Variants in AFG1L observed in about 807,000 individuals in gnomAD.
The protein encoded by AFG1L is AFG1 like ATPase.
AFG1L carries 53 observed loss-of-function variants against 62.2 expected under a neutral mutation model. The observed-to-expected ratio is 0.85, with a 90% confidence interval of 0.68 to 1.07. The LOEUF (loss-of-function observed/expected upper bound fraction) is 1.07, where lower values mean the gene tolerates loss of function less well. Among genes scored for constraint, AFG1L ranks in the 50% least tolerant of loss-of-function variants. AFG1L has a pLI of 0.00. For synonymous variants in AFG1L, 228 were observed against 210.3 expected (o/e 1.08, Z -0.73); for missense variants, 555 against 590.5 (o/e 0.94, Z 0.62).
At chr6:108,333,024 G>T (rs1778334580) in intron 2 of AFG1L, among the ~76,000 whole-genome samples, 1 of 152,202 alleles carries the variant, frequency 6.6e-6, no homozygotes, top group Admixed American at 6.5e-5. Context: ...ATTTGACTAT[G>T]TTAAAATTTA....
intron 7 of AFG1L, among the ~76,000 whole-genome samples, chr6:108,438,268 G>C (rs1156580221): frequency 6.6e-6 from 1 of 152,142 alleles, no homozygotes; most frequent in Non-Finnish European, 1.5e-5. Context: ...CGGTTCTGGT[G>C]GCTAGAAGGA....
intron 8 of AFG1L, among the ~76,000 whole-genome samples, chr6:108,462,418 A>C (rs531113410): frequency 1.5e-3 from 231 of 152,226 alleles, no homozygotes; most frequent in African/African-American, 5.2e-3. Flanking sequence ...AACAAACAAA[A>C]AAAAACACTC....
At chr6:108,462,226 A>C (rs1044200259) in intron 8 of AFG1L, among the ~76,000 whole-genome samples, 6 of 151,806 alleles carry the variant, frequency 4.0e-5, no homozygotes, top group Admixed American at 3.9e-4. Context: ...ACATGTAGAG[A>C]CCTCATGTCT....
intron 1 of AFG1L, among the ~76,000 whole-genome samples, chr6:108,305,737 A>G (rs561749852): frequency 6.6e-6 from 1 of 152,066 alleles, no homozygotes; most frequent in Non-Finnish European, 1.5e-5. Context: ...CAGGCTATGA[A>G]TTACTTCTTT....
intron 10 of AFG1L, among the ~76,000 whole-genome samples, chr6:108,507,001 A>C (rs189794573): frequency 2.6e-4 from 40 of 152,216 alleles, no homozygotes; most frequent in African/African-American, 9.6e-4. Context: ...AATTAGTCCT[A>C]TTCTTATTGG....
chr6:108,503,705 A>G (rs1171268111), intron 10 of AFG1L, among the ~76,000 whole-genome samples: 1 of 152,240 alleles, frequency 6.6e-6, no homozygotes, highest in South Asian at 2.1e-4. Context: ...GAGTCAGTCT[A>G]TCCTTTTGAA....
At chr6:108,428,007 A>G (rs934780822) in intron 7 of AFG1L, among the ~76,000 whole-genome samples, 7 of 152,180 alleles carry the variant, frequency 4.6e-5, no homozygotes, top group Non-Finnish European at 8.8e-5. Flanking sequence ...ACATGAATGA[A>G]TTGTATAGTG....
At chr6:108,476,804 G>A in intron 8 of AFG1L, 61 bp from the exon 9 acceptor site, 1 of 1,206,572 alleles carries the variant, frequency 8.3e-7, no homozygotes, top group Non-Finnish European at 1.2e-6. Context: ...GTCTCAGGCA[G>A]CTGTTTGATG....
At chr6:108,518,098 T>C (rs1314100326) in intron 11 of AFG1L, among the ~76,000 whole-genome samples, 1 of 152,210 alleles carries the variant, frequency 6.6e-6, no homozygotes, top group Non-Finnish European at 1.5e-5. Flanking sequence ...AGTGTGGCAA[T>C]TCCTCAGGGA....
At chr6:108,394,319 GT>G (rs929700574) in intron 6 of AFG1L, among the ~76,000 whole-genome samples, 1 of 150,622 alleles carries the variant, frequency 6.6e-6, no homozygotes, top group East Asian at 2.0e-4. Flanking sequence ...GGCTAATCTT[GT>G]TTTTTTTTAG....
chr6:108,510,434 C>T, intron 11 of AFG1L, 82 bp downstream of exon 11: 1 of 1,070,524 alleles, frequency 9.3e-7, no homozygotes, highest in Non-Finnish European at 1.4e-6. Flanking sequence ...CCTGACTTAA[C>T]ATACTTCTAT....
intron 2 of AFG1L, among the ~76,000 whole-genome samples, chr6:108,326,274 T>G (rs1419030161): frequency 2.0e-5 from 3 of 152,224 alleles, no homozygotes; most frequent in South Asian, 2.1e-4. Context: ...GACCTTACTC[T>G]GTTGCCAGGC....
intron 8 of AFG1L, among the ~76,000 whole-genome samples, chr6:108,456,244 C>G (rs1772247659): frequency 6.6e-6 from 1 of 152,066 alleles, no homozygotes; most frequent in South Asian, 2.1e-4. Flanking sequence ...GTAGCCACTT[C>G]AGCTTTTTTA....
intron 1 of AFG1L, among the ~76,000 whole-genome samples, chr6:108,316,488 AAATT>A (rs1176045955): frequency 1.3e-5 from 2 of 151,482 alleles, no homozygotes; most frequent in South Asian, 2.1e-4. Context: ...TAGAACTCAT[AAATT>A]AATTGACAAA....
chr6:108,325,269 C>T lies in AFG1L; in HGVS notation c.363+1221C>T, dbSNP rs72936753. On this transcript the variant is annotated intron_variant, in intron 2 of 12. Coordinates refer to ENST00000368977, the MANE Select transcript of AFG1L (RefSeq NM_145315.5). Reference sequence around the variant, plus strand: ...TAGGCAAGCATCCAGCTGGGGAGAGCGATGTCCATCTCAATTTATATTCAA... The same window carrying T: ...TAGGCAAGCATCCAGCTGGGGAGAGTGATGTCCATCTCAATTTATATTCAA... Among the ~76,000 whole-genome samples, 1,426 of 152,150 alleles carry T rather than the reference C, an allele frequency of 9.4e-3. 12 individuals carry two copies. Among genetic ancestry groups the T allele is most frequent in the Middle Eastern group, 0.02 (6 of 294 alleles).
At chr6:108,482,143 G>A (rs1411764234) in intron 10 of AFG1L, among the ~76,000 whole-genome samples, 2 of 152,168 alleles carry the variant, frequency 1.3e-5, no homozygotes, top group African/African-American at 4.8e-5. Flanking sequence ...AATTAAATGT[G>A]TCAACATTTG....
chr6:108,430,097 G>A (rs905762642), intron 7 of AFG1L, among the ~76,000 whole-genome samples: 2 of 152,108 alleles, frequency 1.3e-5, no homozygotes, highest in African/African-American at 4.8e-5. Context: ...ACAGGTACCC[G>A]CCACAACGCC....
chr6:108,323,471 C>G (rs886614387), intron 1 of AFG1L, among the ~76,000 whole-genome samples: 2 of 152,042 alleles, frequency 1.3e-5, no homozygotes, highest in African/African-American at 4.8e-5. Context: ...TCAAGCAATT[C>G]GTGCCTCAGC....
chr6:108,402,724 A>G (rs1338490401), intron 7 of AFG1L, among the ~76,000 whole-genome samples: 2 of 152,082 alleles, frequency 1.3e-5, no homozygotes, highest in East Asian at 3.8e-4. Flanking sequence ...TTATACATTT[A>G]TTTCTGAAAA....
Sources: allele counts gnomAD v4.1 joint callset (sites outside exome capture counted in the v4.1 genomes callset), GRCh38; gene constraint gnomAD v4.1.1; transcripts MANE v1.5; gene names NCBI Gene and HGNC (gene_info 2026-07-23, HGNC 2026-07-21).